Variants in CSMD1 observed in about 807,000 individuals in gnomAD.
CSMD1 encodes CUB and sushi domain-containing protein 1.
In CSMD1, 213 loss-of-function variants were observed where a neutral mutation model predicts 417.5. The ratio of observed to expected loss-of-function variants is 0.51; its 90% CI spans 0.46 to 0.57. The LOEUF (loss-of-function observed/expected upper bound fraction) is 0.57, where lower values mean the gene tolerates loss of function less well. CSMD1 is among the 20% of genes least tolerant of loss of function. CSMD1 has a pLI of 0.00. For synonymous variants in CSMD1, 2,862 were observed against 1,736.8 expected (o/e 1.65, Z -16.11); for missense variants, 6,923 against 4,529.7 (o/e 1.53, Z -15.17).
intron 1 of CSMD1, among the ~76,000 whole-genome samples, chr8:4,753,727 G>T (rs181673522): frequency 6.6e-6 from 1 of 152,046 alleles, no homozygotes; most frequent in African/African-American, 2.4e-5. Flanking sequence ...CACCTTCAAG[G>T]CAGAGCTCAA....
At chr8:3,475,350 T>C (rs973385185) in intron 11 of CSMD1, among the ~76,000 whole-genome samples, 1 of 152,180 alleles carries the variant, frequency 6.6e-6, no homozygotes, top group Non-Finnish European at 1.5e-5. Context: ...CATAAACATT[T>C]TTAAAATAAA....
At chr8:4,444,807 G>A (rs992158685) in intron 2 of CSMD1, among the ~76,000 whole-genome samples, 1 of 152,134 alleles carries the variant, frequency 6.6e-6, no homozygotes, top group Non-Finnish European at 1.5e-5. Flanking sequence ...ATAATCAGAT[G>A]CTTGTGACCT....
intron 20 of CSMD1, among the ~76,000 whole-genome samples, chr8:3,366,764 T>C (rs1249926926): frequency 1.3e-5 from 2 of 152,186 alleles, no homozygotes; most frequent in East Asian, 1.9e-4. Flanking sequence ...CTTTGCAGAA[T>C]GTAGTGACAT....
intron 1 of CSMD1, among the ~76,000 whole-genome samples, chr8:4,703,407 G>C (rs951800117): frequency 1.3e-5 from 2 of 152,116 alleles, no homozygotes; most frequent in African/African-American, 4.8e-5. Context: ...CATCATTTCT[G>C]TCACCTGTAA....
intron 5 of CSMD1, among the ~76,000 whole-genome samples, chr8:3,972,108 A>C (rs1428686037): frequency 6.6e-6 from 1 of 152,088 alleles, no homozygotes; most frequent in Non-Finnish European, 1.5e-5. Flanking sequence ...TGGGCTCAAG[A>C]GATCCTCCTG....
At chr8:3,706,151 G>T (rs1383655589) in intron 7 of CSMD1, among the ~76,000 whole-genome samples, 1 of 152,200 alleles carries the variant, frequency 6.6e-6, no homozygotes, top group African/African-American at 2.4e-5. Flanking sequence ...ACTATGGAAG[G>T]CTCCTAAGGT....
intron 1 of CSMD1, among the ~76,000 whole-genome samples, chr8:4,799,038 G>A (rs1400611675): frequency 6.6e-6 from 1 of 152,140 alleles, no homozygotes; most frequent in African/African-American, 2.4e-5. Flanking sequence ...TCCAGCAGGA[G>A]CGTGGGCTGG....
rs950536078 is a variant in CSMD1, at chr8:4,340,959, G to C, written c.415+78994C>G. ...TGAGAGAATGTAGTCTGTACTCTGC[G>C]GGTTTATTTCAAGCTGATGGATTTA... is the stretch of plus-strand genomic sequence containing the variant. On this transcript the variant is annotated intron_variant, in intron 3 of 69. Coordinates refer to ENST00000635120, the MANE Select transcript of CSMD1 (RefSeq NM_033225.6). Among the ~76,000 whole-genome samples, 4 of 151,970 alleles carry C rather than the reference G, an allele frequency of 2.6e-5. No homozygotes were observed. The East Asian group carries it at 5.8e-4, about 22-fold the overall frequency.
chr8:3,969,013 G>A (rs1812886404), intron 5 of CSMD1, among the ~76,000 whole-genome samples: 1 of 152,198 alleles, frequency 6.6e-6, no homozygotes, highest in South Asian at 2.1e-4. Context: ...CACTTTGGAA[G>A]GCCGAGGCAG....
chr8:4,036,018 C>G (rs927040505), intron 3 of CSMD1, among the ~76,000 whole-genome samples: 22 of 152,042 alleles, frequency 1.4e-4, no homozygotes, highest in Admixed American at 1.4e-3. Flanking sequence ...TGTACCTTTT[C>G]TATGTTTAGA....
intron 3 of CSMD1, among the ~76,000 whole-genome samples, chr8:4,321,614 C>A (rs1799279071): frequency 6.6e-6 from 1 of 152,046 alleles, no homozygotes. Flanking sequence ...ATACCTTTTC[C>A]TCCCCTTTCT....
chr8:3,118,262 G>A (rs1002548385), intron 42 of CSMD1, 137 bp downstream of exon 42: 3 of 650,578 alleles, frequency 4.6e-6, no homozygotes, highest in Non-Finnish European at 7.6e-6. Context: ...ACTAAGTGGA[G>A]TGAGTAAAAC....
chr8:4,992,722 C>G (rs987312428), intron 1 of CSMD1, among the ~76,000 whole-genome samples: 1 of 152,360 alleles, frequency 6.6e-6, no homozygotes, highest in Middle Eastern at 3.4e-3. Context: ...CCCTGCTCAG[C>G]AGGCGCTGCC....
At chr8:3,232,483 C>T (rs1468988633) in intron 26 of CSMD1, among the ~76,000 whole-genome samples, 1 of 152,066 alleles carries the variant, frequency 6.6e-6, no homozygotes, top group Non-Finnish European at 1.5e-5. Flanking sequence ...TTTTTCCATC[C>T]TCTTCTTGAT....
chr8:3,865,178 C>A (rs1804998944), intron 5 of CSMD1, among the ~76,000 whole-genome samples: 2 of 152,202 alleles, frequency 1.3e-5, no homozygotes, highest in South Asian at 4.1e-4. Flanking sequence ...GGTGTAGAGG[C>A]ACCTCTGATA....
intron 33 of CSMD1, among the ~76,000 whole-genome samples, chr8:3,195,881 G>C (rs2129052671): frequency 6.6e-6 from 1 of 152,314 alleles, no homozygotes; most frequent in East Asian, 1.9e-4. Context: ...TCATGGTTCA[G>C]ACTTGGAATA....
At chr8:3,094,800 C>CAAAAAAAAAAA (rs33991879) in intron 47 of CSMD1, among the ~76,000 whole-genome samples, 2 of 105,408 alleles carry the variant, frequency 1.9e-5, no homozygotes, top group African/African-American at 3.6e-5. Flanking sequence ...GCCCGTCTTA[C>CAAAAAAAAAAA]AAAAAAAAAA....
At chr8:3,678,980 A>C (rs1799517964) in intron 7 of CSMD1, among the ~76,000 whole-genome samples, 1 of 152,202 alleles carries the variant, frequency 6.6e-6, no homozygotes, top group African/African-American at 2.4e-5. Flanking sequence ...AGACAAGCAA[A>C]TGCTGAGAGA....
At chr8:4,884,940 G>T (rs1294967694) in intron 1 of CSMD1, among the ~76,000 whole-genome samples, 1 of 152,084 alleles carries the variant, frequency 6.6e-6, no homozygotes, top group Non-Finnish European at 1.5e-5. Context: ...CTTAACTGAA[G>T]ATTGCTGTAG....
Sources: allele counts gnomAD v4.1 joint callset (sites outside exome capture counted in the v4.1 genomes callset), GRCh38; gene constraint gnomAD v4.1.1; transcripts MANE v1.5; gene names NCBI Gene and HGNC (gene_info 2026-07-23, HGNC 2026-07-21).